Variants in SEPTIN9 observed in about 807,000 individuals in gnomAD.
SEPTIN9 encodes septin-9.
Under a neutral mutation model 56.6 loss-of-function variants are expected in SEPTIN9, and 13 were observed. That is an observed-to-expected ratio of 0.23 (90% CI 0.15 to 0.37). The LOEUF (loss-of-function observed/expected upper bound fraction) is 0.37, where lower values mean the gene tolerates loss of function less well. Ranked by LOEUF, SEPTIN9 falls within the 10% of genes least tolerant of loss-of-function variation. The pLI is 1.00. For synonymous variants in SEPTIN9, 332 were observed against 334.1 expected (o/e 0.99, Z 0.07); for missense variants, 650 against 823.1 (o/e 0.79, Z 2.57).
chr17:77,374,014 A>G (rs2034821727), intron 2 of SEPTIN9: 1 of 154,520 alleles, frequency 6.5e-6, no homozygotes, highest in South Asian at 2.0e-4. Context: ...GTCGTTCCTC[A>G]CCTCCGACTG....
In SEPTIN9 at chr17:77,434,922, G is replaced by A. The variant is rs78389383; in HGVS notation, c.721+32219G>A. On this transcript the variant is annotated intron_variant, in intron 3 of 11. Coordinates refer to ENST00000427177, the MANE Select transcript of SEPTIN9 (RefSeq NM_001113491.2). The surrounding 1 kb of genome is among the most constrained non-coding windows in gnomAD (Gnocchi z 5.0). ...AAAGGAGGCGCTGCAGGGGAGCAGA[G>A]ACCTCACCCTTCCTCTGCCGACATC... Among the ~76,000 whole-genome samples the A allele has an allele frequency of 3.3e-5, 5 of 152,288 alleles. No individual in the cohort carries two copies. Among genetic ancestry groups the A allele is most frequent in the East Asian group, 1.9e-4 (1 of 5,176 alleles).
rs2034620201 is a variant in SEPTIN9, at chr17:77,367,970, G to A, written c.77-34089G>A. ...TATACAAAGTGTGTGTACACACAGT[G>A]GAATATCATTCAGCCTTCAAAAGGA... On this transcript the variant is annotated intron_variant, in intron 2 of 11. Coordinates refer to ENST00000427177, the MANE Select transcript of SEPTIN9 (RefSeq NM_001113491.2). The surrounding 1 kb of genome is among the most constrained non-coding windows in gnomAD (Gnocchi z 4.5). Among the ~76,000 whole-genome samples, 1 of 152,228 alleles carries A rather than the reference G, an allele frequency of 6.6e-6. No homozygotes were observed. The highest frequency in any genetic ancestry group is 1.5e-5 in the Non-Finnish European group (1 of 68,042).
chr17:77,366,372 T>C (rs2034571464), intron 2 of SEPTIN9, among the ~76,000 whole-genome samples: 1 of 152,188 alleles, frequency 6.6e-6, no homozygotes, highest in Non-Finnish European at 1.5e-5. Context: ...GCTCTGGTCA[T>C]GGGACTGTGT....
rs538701579 is a variant in SEPTIN9, at chr17:77,319,091, G to A, written c.76+11894G>A. On this transcript the variant is annotated intron_variant, in intron 2 of 11. Transcript: ENST00000427177. This position sits in a 1 kb window ranked among gnomAD's most constrained non-coding sequence, Gnocchi z 5.3. ...TGGAGTTTTCAGAGAGATTGCCTGA[G>A]TTCTCAGCCTTGGCACAAACACACA... is the stretch of plus-strand genomic sequence containing the variant. 2.5e-4 allele frequency among the ~76,000 whole-genome samples: 38 copies of A among 152,336 alleles called. No homozygotes were observed. In the South Asian group the frequency reaches 3.5e-3, roughly 14 times the overall value.
chr17:77,429,048 C>G lies in SEPTIN9; in HGVS notation c.721+26345C>G, dbSNP rs1238658891. ...GAGCATCTCAGCAGCCCTCCGCCCC[C>G]TGCTCCTGGTTGCAGATGTACCTGT... On this transcript the variant is annotated intron_variant, in intron 3 of 11. Coordinates refer to ENST00000427177, the MANE Select transcript of SEPTIN9 (RefSeq NM_001113491.2). The surrounding 1 kb of genome is among the most constrained non-coding windows in gnomAD (Gnocchi z 5.2). 1 of 471,478 alleles carries G rather than the reference C, an allele frequency of 2.1e-6. No homozygotes were observed. Among genetic ancestry groups the G allele is most frequent in the Non-Finnish European group, 4.4e-6 (1 of 227,160 alleles). 29.2% of individuals were successfully genotyped at this position (471,478 alleles called of 1,614,324 possible).
intron 2 of SEPTIN9, among the ~76,000 whole-genome samples, chr17:77,370,173 A>G (rs763495662): frequency 1.1e-4 from 17 of 152,236 alleles, no homozygotes; most frequent in Non-Finnish European, 2.4e-4. Flanking sequence ...TGGGTGGCTT[A>G]TAGCAAGGGG....
intron 2 of SEPTIN9, among the ~76,000 whole-genome samples, chr17:77,347,238 C>A (rs948854330): frequency 2.0e-5 from 3 of 151,898 alleles, no homozygotes; most frequent in East Asian, 3.9e-4. Context: ...ATTAGCTGGG[C>A]GTGGTGGCAG....
At position 77,369,820 on chromosome 17, in the gene SEPTIN9, G is replaced by T. The variant is rs1276761421; in HGVS notation, c.77-32239G>T. On this transcript the variant is annotated intron_variant, in intron 2 of 11. Transcript: ENST00000427177. This position sits in a 1 kb window ranked among gnomAD's most constrained non-coding sequence, Gnocchi z 4.9. ...CCATGGAGGCTGTGCCTGGAGGGGG[G>T]TCATGGATATGGATGTGTGCGCCAA... 6.6e-6 allele frequency among the ~76,000 whole-genome samples: 1 copy of T among 152,204 alleles called. No individual in the cohort carries two copies. The highest frequency in any genetic ancestry group is 6.5e-5 in the Admixed American group (1 of 15,286).
intron 3 of SEPTIN9, among the ~76,000 whole-genome samples, chr17:77,470,284 A>T (rs2038931418): frequency 6.7e-6 from 1 of 149,254 alleles, no homozygotes; most frequent in East Asian, 2.0e-4. Context: ...CCACTTATCC[A>T]CCCATCTACT....
chr17:77,384,798 C>T (rs2035274201), intron 2 of SEPTIN9, among the ~76,000 whole-genome samples: 1 of 151,510 alleles, frequency 6.6e-6, no homozygotes, highest in East Asian at 1.9e-4. Context: ...CATGGCGCCA[C>T]ATGGAGGAAA....
chr17:77,480,741 T>C (rs558895992), intron 3 of SEPTIN9, among the ~76,000 whole-genome samples: 2 of 152,278 alleles, frequency 1.3e-5, no homozygotes, highest in South Asian at 2.1e-4. Flanking sequence ...CCCGGAGGAC[T>C]GGCGGGAGGG....
chr17:77,478,750 G>A (rs1297034545), intron 3 of SEPTIN9, among the ~76,000 whole-genome samples: 2 of 150,820 alleles, frequency 1.3e-5, no homozygotes, highest in African/African-American at 2.5e-5. Context: ...GTTTCGGTGA[G>A]CCGAGATCGC....
chr17:77,390,200 C>G (rs924929574), intron 2 of SEPTIN9, among the ~76,000 whole-genome samples: 1 of 151,632 alleles, frequency 6.6e-6, no homozygotes, highest in Non-Finnish European at 1.5e-5. Context: ...GAAGCTGCTA[C>G]GTGGCTGTCC....
chr17:77,453,177 G>T lies in SEPTIN9; in HGVS notation c.722-28967G>T, dbSNP rs765899966. Among the ~76,000 whole-genome samples the T allele has an allele frequency of 1.1e-4, 16 of 152,136 alleles. No individual in the cohort carries two copies. The highest frequency in any genetic ancestry group is 3.9e-4 in the African/African-American group (16 of 41,428). ...TGGGGAGGACCCACTGTGTGCGCCT[G>T]GGGGGTGGCGTGGGGCACTCTGGGA... On this transcript the variant is annotated intron_variant, in intron 3 of 11. Coordinates refer to ENST00000427177, the MANE Select transcript of SEPTIN9 (RefSeq NM_001113491.2). This position sits in a 1 kb window ranked among gnomAD's most constrained non-coding sequence, Gnocchi z 4.4.
chr17:77,317,868 T>C lies in SEPTIN9; in HGVS notation c.76+10671T>C, dbSNP rs975496046. ...GAGTTCAAGATCAGCCTGGCCAATA[T>C]GGTGAAACCCCGTTTCTACTAAAAA... is the stretch of plus-strand genomic sequence containing the variant. On this transcript the variant is annotated intron_variant, in intron 2 of 11. Transcript: ENST00000427177. This position sits in a 1 kb window ranked among gnomAD's most constrained non-coding sequence, Gnocchi z 4.2. Among the ~76,000 whole-genome samples the C allele has an allele frequency of 6.6e-6, 1 of 152,022 alleles. No individual in the cohort carries two copies. Among genetic ancestry groups the C allele is most frequent in the African/African-American group, 2.4e-5 (1 of 41,408 alleles).
chr17:77,285,887 G>T (rs1029163541), intron 1 of SEPTIN9, among the ~76,000 whole-genome samples: 4 of 152,230 alleles, frequency 2.6e-5, no homozygotes, highest in African/African-American at 4.8e-5. Flanking sequence ...CTCACCCAGC[G>T]CCCCGGGAGC....
In SEPTIN9 at chr17:77,441,262, C is replaced by T. The variant is rs138473994; in HGVS notation, c.721+38559C>T. On this transcript the variant is annotated intron_variant, in intron 3 of 11. Transcript: ENST00000427177. The stretch of plus-strand genomic sequence containing the variant: ...AACCCCCACCCCGGCCTGCTTCCCT[C>T]CCAGACTTGGAGTGGGTCTGGGGCT... Among the ~76,000 whole-genome samples the T allele has an allele frequency of 2.3e-3, 347 of 152,318 alleles. 8 individuals carry two copies. In the South Asian group the frequency reaches 0.056, roughly 25 times the overall value.
intron 3 of SEPTIN9, chr17:77,454,024 T>A (rs982089528): frequency 1.1e-6 from 1 of 949,052 alleles, no homozygotes; most frequent in Non-Finnish European, 1.3e-6. Flanking sequence ...ACCCCGGATG[T>A]TTAGGGCTTC....
At chr17:77,349,578 T>A (rs2033994176) in intron 2 of SEPTIN9, among the ~76,000 whole-genome samples, 1 of 152,174 alleles carries the variant, frequency 6.6e-6, no homozygotes, top group African/African-American at 2.4e-5. Flanking sequence ...CCACATGTTG[T>A]TTTTCCCTGG....
Sources: allele counts gnomAD v4.1 joint callset (sites outside exome capture counted in the v4.1 genomes callset), GRCh38; gene constraint gnomAD v4.1.1; non-coding constraint Gnocchi (gnomAD v3.1); transcripts MANE v1.5; gene names NCBI Gene and HGNC (gene_info 2026-07-23, HGNC 2026-07-21).